SH3RF3: variants seen among roughly 807,000 people sequenced by gnomAD.
SH3RF3 encodes E3 ubiquitin-protein ligase SH3RF3.
Under a neutral mutation model 66.3 loss-of-function variants are expected in SH3RF3, and 29 were observed. The ratio of observed to expected loss-of-function variants is 0.44; its 90% CI spans 0.33 to 0.60. The LOEUF (loss-of-function observed/expected upper bound fraction) is 0.60, where lower values mean the gene tolerates loss of function less well. SH3RF3 is among the 20% of genes least tolerant of loss of function. The pLI is 0.04. For synonymous variants in SH3RF3, 583 were observed against 532.0 expected (o/e 1.10, Z -1.32); for missense variants, 1,194 against 1,190.9 (o/e 1.00, Z -0.04).
At chr2:109,306,069 A>G (rs1574562777) in intron 1 of SH3RF3, among the ~76,000 whole-genome samples, 2 of 152,188 alleles carry the variant, frequency 1.3e-5, no homozygotes, top group Admixed American at 1.3e-4. Context: ...CGACAGTGGG[A>G]TGTGCTTGGG....
intron 2 of SH3RF3, among the ~76,000 whole-genome samples, chr2:109,357,914 T>C (rs1422767495): frequency 6.6e-6 from 1 of 152,218 alleles, no homozygotes; most frequent in African/African-American, 2.4e-5. Context: ...TGAGCCTATA[T>C]TGACAAATCG....
At chr2:109,188,525 C>T (rs949977112) in intron 1 of SH3RF3, among the ~76,000 whole-genome samples, 5 of 152,222 alleles carry the variant, frequency 3.3e-5, no homozygotes, top group African/African-American at 1.2e-4. Context: ...AAAGAGACCA[C>T]GTTCAGAGAA....
intron 7 of SH3RF3, among the ~76,000 whole-genome samples, chr2:109,444,005 G>A (rs1435999136): frequency 1.3e-5 from 2 of 152,126 alleles, no homozygotes; most frequent in African/African-American, 2.4e-5. Flanking sequence ...ATATTTTTAA[G>A]TTTCAGCACA....
intron 3 of SH3RF3, among the ~76,000 whole-genome samples, chr2:109,377,791 C>T (rs1045782539): frequency 3.9e-5 from 6 of 152,178 alleles, no homozygotes; most frequent in African/African-American, 9.7e-5. Flanking sequence ...AAGCTCAGTT[C>T]CTCCTGCTCC....
chr2:109,269,157 C>G (rs1215984992), intron 1 of SH3RF3, among the ~76,000 whole-genome samples: 1 of 152,198 alleles, frequency 6.6e-6, no homozygotes, highest in Non-Finnish European at 1.5e-5. Flanking sequence ...TAGGCAGTTT[C>G]CCTGGGGGAG....
At chr2:109,326,155 T>G (rs185348541) in intron 1 of SH3RF3, among the ~76,000 whole-genome samples, 2 of 152,376 alleles carry the variant, frequency 1.3e-5, no homozygotes, top group Non-Finnish European at 1.5e-5. Flanking sequence ...TTTATCTATC[T>G]GTTCTTGGTG....
At chr2:109,371,460 G>C in intron 2 of SH3RF3, 126 bp from the exon 3 acceptor site, 1 of 684,800 alleles carries the variant, frequency 1.5e-6, no homozygotes, top group Non-Finnish European at 2.6e-6. Context: ...AATGGATAAT[G>C]CACTCTTCTT....
At chr2:109,277,150 C>G (rs1680776385) in intron 1 of SH3RF3, among the ~76,000 whole-genome samples, 1 of 152,140 alleles carries the variant, frequency 6.6e-6, no homozygotes, top group African/African-American at 2.4e-5. Context: ...GGCAGGTCAG[C>G]CTTCTGTATC....
chr2:109,397,173 C>T (rs1676170044), intron 3 of SH3RF3, among the ~76,000 whole-genome samples: 2 of 152,154 alleles, frequency 1.3e-5, no homozygotes, highest in African/African-American at 2.4e-5. Context: ...ACAACCACTC[C>T]ACCCTGCTCA....
intron 1 of SH3RF3, among the ~76,000 whole-genome samples, chr2:109,176,965 T>C (rs935674369): frequency 1.3e-5 from 2 of 152,100 alleles, no homozygotes; most frequent in Non-Finnish European, 2.9e-5. Context: ...GCATTTTAGG[T>C]GAGGTATGAT....
intron 8 of SH3RF3, among the ~76,000 whole-genome samples, chr2:109,459,132 A>G (rs1678145785): frequency 6.6e-6 from 1 of 152,122 alleles, no homozygotes; most frequent in Non-Finnish European, 1.5e-5. Flanking sequence ...ATATCTTGTA[A>G]CTTAAATACT....
In SH3RF3 at chr2:109,319,415, C is replaced by G. The variant is rs150525628; in HGVS notation, c.574-28259C>G. On this transcript the variant is annotated intron_variant, in intron 1 of 9. Coordinates refer to ENST00000309415, the MANE Select transcript of SH3RF3 (RefSeq NM_001099289.3). ...GGGTCCCGGGGATCACCCAGGCATC[C>G]TTTTCAGCCTGCTGGGCTGAAAGCT... Among the ~76,000 whole-genome samples, 857 of 152,336 alleles carry G rather than the reference C, an allele frequency of 5.6e-3. 9 individuals carry two copies. Among genetic ancestry groups the G allele is most frequent in the African/African-American group, 0.02 (820 of 41,578 alleles).
Position 109,273,087 on chromosome 2 carries a change from C to T in SH3RF3, c.574-74587C>T, listed in dbSNP as rs898415845. On this transcript the variant is annotated intron_variant, in intron 1 of 9. Transcript: ENST00000309415. The stretch of plus-strand genomic sequence containing the variant: ...AATAGAAGTTGTTTACTGAGTATTT[C>T]GGGTTGAAGAGATACTGGTTCTTGA... 5.9e-5 allele frequency among the ~76,000 whole-genome samples: 9 copies of T among 152,270 alleles called. No individual in the cohort carries two copies. The East Asian group carries it at 1.3e-3, about 23-fold the overall frequency.
intron 1 of SH3RF3, 45 bp from the exon 2 acceptor site, chr2:109,347,629 G>T (rs764931343): frequency 1.3e-6 from 2 of 1,592,612 alleles, no homozygotes. Flanking sequence ...GTGGGGCATT[G>T]GGAAGGGGCA....
intron 1 of SH3RF3, among the ~76,000 whole-genome samples, chr2:109,325,368 G>T (rs2105471548): frequency 9.3e-6 from 1 of 107,320 alleles, no homozygotes; most frequent in Non-Finnish European, 1.7e-5. Flanking sequence ...TGGAGACCAG[G>T]TCTTGCTCTG....
intron 8 of SH3RF3, among the ~76,000 whole-genome samples, chr2:109,487,715 C>T (rs865949499): frequency 6.6e-6 from 1 of 152,200 alleles, no homozygotes; most frequent in South Asian, 2.1e-4. Flanking sequence ...TCCAGGCCCA[C>T]AGGGCCCAAG....
At chr2:109,437,241 G>T in intron 7 of SH3RF3, 95 bp downstream of exon 7, 1 of 1,455,866 alleles carries the variant, frequency 6.9e-7, no homozygotes, top group Non-Finnish European at 9.1e-7. Flanking sequence ...CTCCAGCAGT[G>T]CATGTGTGGC....
rs148222759 is a variant in SH3RF3 at position 109,334,032 on chromosome 2, G to A, written c.574-13642G>A. On this transcript the variant is annotated intron_variant, in intron 1 of 9. Coordinates refer to ENST00000309415, the MANE Select transcript of SH3RF3 (RefSeq NM_001099289.3). ...TCTAAGACTTTAGGAAAGTCCAGTCGCTTCCTCAAATCACAGACAGTTGTG... is the reference window on the plus strand; with the variant it reads ...TCTAAGACTTTAGGAAAGTCCAGTCACTTCCTCAAATCACAGACAGTTGTG... 3.5e-3 allele frequency among the ~76,000 whole-genome samples: 531 copies of A among 152,220 alleles called. 5 individuals are homozygous for A. Among genetic ancestry groups the A allele is most frequent in the African/African-American group, 0.012 (497 of 41,540 alleles).
At position 109,129,450 on chromosome 2, in the gene SH3RF3, T is replaced by A. The variant is rs763425598; in HGVS notation, c.-91T>A. ...GAAGAAAGTCACGGCGGAGCCCGGC[T>A]CCCCAGTCCTGATGCTGGCTGCCGG... is the stretch of plus-strand genomic sequence containing the variant. On this transcript the variant is annotated 5_prime_UTR_variant, in exon 1 of 10. Transcript: ENST00000309415. The A allele has an allele frequency of 1.9e-5, 28 of 1,491,912 alleles. 1 individual carries two copies. The South Asian group carries it at 3.5e-4, about 19-fold the overall frequency. The allele number at this position is 1,491,912 out of a possible 1,614,324, so 92.4% of individuals were successfully genotyped here.
Sources: allele counts gnomAD v4.1 joint callset (sites outside exome capture counted in the v4.1 genomes callset), GRCh38; gene constraint gnomAD v4.1.1; transcripts MANE v1.5; gene names NCBI Gene and HGNC (gene_info 2026-07-23, HGNC 2026-07-21).